FGD6: variants seen among roughly 807,000 people sequenced by gnomAD.
The protein encoded by FGD6 is FYVE, RhoGEF and PH domain containing 6, also known as FYVE, RhoGEF and PH domain-containing protein 6.
Under a neutral mutation model 149.4 loss-of-function variants are expected in FGD6, and 90 were observed. The ratio of observed to expected loss-of-function variants is 0.60; its 90% CI spans 0.51 to 0.72. The LOEUF is 0.72. FGD6 is among the 30% of genes least tolerant of loss of function. The probability of loss-of-function intolerance (pLI) is 0.00; values close to 1 mark genes in which losing one functional copy is unlikely to be tolerated. For synonymous variants in FGD6, 527 were observed against 584.0 expected (o/e 0.90, Z 1.41); for missense variants, 1,437 against 1,684.8 (o/e 0.85, Z 2.57).
chr12:95,168,531 C>T (rs1465077500), intron 3 of FGD6, among the ~76,000 whole-genome samples: 3 of 151,986 alleles, frequency 2.0e-5, no homozygotes, highest in African/African-American at 4.8e-5. Flanking sequence ...GGTGTAGTGG[C>T]GCATGCCTGT....
rs1314646533 is a variant in FGD6, at chr12:95,080,528, T to A, written c.*992A>T. 2 of 152,018 alleles carry A rather than the reference T, an allele frequency of 1.3e-5. No individual in the cohort carries two copies. The highest frequency in any genetic ancestry group is 2.9e-5 in the Non-Finnish European group (2 of 68,012). The allele number at this position is 152,018 out of a possible 1,614,324, so 9.4% of individuals were successfully genotyped here. A position where few individuals can be genotyped will look rare whatever the true frequency, so the allele number is the denominator to read the frequency against. On this transcript the variant is annotated 3_prime_UTR_variant, in exon 21 of 21. Coordinates refer to ENST00000343958, the MANE Select transcript of FGD6 (RefSeq NM_018351.4). ...CTGGCAGAAAAAGACCTTTTGAAAA[T>A]GAATACTATAGAATTTCAGTTATTA...
At chr12:95,203,766 C>T (rs2056675492) in intron 2 of FGD6, among the ~76,000 whole-genome samples, 1 of 152,108 alleles carries the variant, frequency 6.6e-6, no homozygotes, top group Non-Finnish European at 1.5e-5. Flanking sequence ...ATAATAAGAA[C>T]AAATTGAAAC....
intron 3 of FGD6, among the ~76,000 whole-genome samples, chr12:95,156,018 C>T (rs1180097524): frequency 6.7e-6 from 1 of 148,664 alleles, no homozygotes; most frequent in Non-Finnish European, 1.5e-5. Flanking sequence ...CCTGTCTTTA[C>T]TTTAATCTCT....
Position 95,137,578 on chromosome 12 carries a change from G to A in FGD6, c.2938C>T (p.Leu980=). The A allele has an allele frequency of 6.2e-7, 1 of 1,609,248 alleles. No individual in the cohort carries two copies. The highest frequency in any genetic ancestry group is 8.5e-7 in the Non-Finnish European group (1 of 1,178,298). Residue 980 remains leucine (L), a synonymous_variant, in exon 7 of 21, where the codon CTG becomes TTG. Coordinates refer to ENST00000343958, the MANE Select transcript of FGD6 (RefSeq NM_018351.4). ...IKEFDKNIAL[L]DEQCKKNPGF... ...GGATTTTTCTTGCACTGTTCATCCA[G>A]CAAGGCTATATTCTTATCAAATTCT...
At chr12:95,099,003 G>T (rs928095836) in intron 14 of FGD6, among the ~76,000 whole-genome samples, 79 of 151,812 alleles carry the variant, frequency 5.2e-4, no homozygotes, top group African/African-American at 1.7e-3. Context: ...CAGAGTAGCT[G>T]GGATTACAGG....
At chr12:95,150,994 G>A (rs1007784760) in intron 5 of FGD6, among the ~76,000 whole-genome samples, 2 of 151,980 alleles carry the variant, frequency 1.3e-5, no homozygotes, top group African/African-American at 4.8e-5. Context: ...TCAGGAGGCT[G>A]AGATGGGAGG....
intron 9 of FGD6, among the ~76,000 whole-genome samples, chr12:95,111,999 T>G (rs934130006): frequency 6.6e-6 from 1 of 151,852 alleles, no homozygotes; most frequent in African/African-American, 2.4e-5. Context: ...TTTGGGAGAC[T>G]GAGGCAGGTG....
At chr12:95,128,574 A>G (rs1218614057) in intron 8 of FGD6, among the ~76,000 whole-genome samples, 1 of 152,176 alleles carries the variant, frequency 6.6e-6, no homozygotes, top group Non-Finnish European at 1.5e-5. Flanking sequence ...GGAGAAGATA[A>G]GGCACAGATC....
chr12:95,203,439 T>TA (rs1048778132), intron 2 of FGD6, among the ~76,000 whole-genome samples: 2 of 152,078 alleles, frequency 1.3e-5, no homozygotes, highest in African/African-American at 4.8e-5. Flanking sequence ...TCACCAACAT[T>TA]AAAAAACAAC....
rs34057454 is a variant in FGD6 at position 95,097,634 on chromosome 12, C to CAAAAAA, written c.3498-2946_3498-2941dup. Among the ~76,000 whole-genome samples the CAAAAAA allele has an allele frequency of 6.1e-3, 264 of 43,378 alleles. 17 individuals carry two copies. Among genetic ancestry groups the CAAAAAA allele is most frequent in the African/African-American group, 0.025 (251 of 10,054 alleles). The allele number at this position is 43,378 out of a possible 152,430, so 28.5% of individuals were successfully genotyped here. A position where few individuals can be genotyped will look rare whatever the true frequency, so the allele number is the denominator to read the frequency against. ...CTGGGCAACAAGTGAGACTCTGTCT[C>CAAAAAA]AAAAAAAAAAAAAAAAAAAAAAAAA... On this transcript the variant is annotated intron_variant, in intron 14 of 20. Coordinates refer to ENST00000343958, the MANE Select transcript of FGD6 (RefSeq NM_018351.4).
chr12:95,144,713 G>A (rs1174349395), intron 5 of FGD6, among the ~76,000 whole-genome samples: 1 of 151,108 alleles, frequency 6.6e-6, no homozygotes, highest in Non-Finnish European at 1.5e-5. Flanking sequence ...TTGAGAAAGA[G>A]TTTTGCTCTT....
intron 2 of FGD6, among the ~76,000 whole-genome samples, chr12:95,174,927 CAAAAAAAAAAAAA>C: frequency 1.2e-5 from 1 of 84,680 alleles, no homozygotes; most frequent in South Asian, 4.6e-4. Flanking sequence ...ACTCCATCTC[CAAAAAAAAAAAAA>C]AAAAAAAGAA....
intron 14 of FGD6, among the ~76,000 whole-genome samples, chr12:95,098,792 T>C (rs1222258259): frequency 1.3e-5 from 2 of 152,182 alleles, no homozygotes; most frequent in African/African-American, 4.8e-5. Flanking sequence ...ACCACAATAC[T>C]TAATTGTGTT....
chr12:95,132,774 CAAATAAAT>C (rs745794944), intron 8 of FGD6, among the ~76,000 whole-genome samples: 1 of 151,696 alleles, frequency 6.6e-6, no homozygotes, highest in African/African-American at 2.4e-5. Flanking sequence ...AATAAATAAA[CAAATAAAT>C]AAATAAATAA....
At chr12:95,086,261 ATTTG>A (rs973071063) in intron 18 of FGD6, among the ~76,000 whole-genome samples, 13 of 152,054 alleles carry the variant, frequency 8.5e-5, no homozygotes, top group African/African-American at 2.7e-4. Flanking sequence ...GGACTTGGGG[ATTTG>A]TTTTTTATTG....
rs142495726 is a variant in FGD6, at chr12:95,207,123, G to A, written c.2441+1720C>T. Reference sequence around the variant, plus strand: ...ACCCGGTGGGAGGTAATTTAATCACGGGGGCGGTTTTCCCCCAAGCTGCTG... The same window carrying A: ...ACCCGGTGGGAGGTAATTTAATCACAGGGGCGGTTTTCCCCCAAGCTGCTG... On this transcript the variant is annotated intron_variant, in intron 2 of 20. Coordinates refer to ENST00000343958, the MANE Select transcript of FGD6 (RefSeq NM_018351.4). Among the ~76,000 whole-genome samples the A allele has an allele frequency of 3.3e-5, 5 of 151,720 alleles. No homozygotes were observed. The East Asian group carries it at 7.8e-4, about 24-fold the overall frequency.
intron 14 of FGD6, among the ~76,000 whole-genome samples, chr12:95,103,186 T>C (rs187083530): frequency 1.6e-4 from 25 of 152,300 alleles, no homozygotes; most frequent in Non-Finnish European, 2.5e-4. Context: ...TGAAACGAAG[T>C]ACTACACATA....
rs751475528 is a variant in FGD6, at chr12:95,209,651, A to G, written c.1633T>C (p.Cys545Arg). 56 of 1,613,150 alleles carry G rather than the reference A, an allele frequency of 3.5e-5. No homozygotes were observed. The highest frequency in any genetic ancestry group is 4.7e-5 in the Non-Finnish European group (55 of 1,179,868). Residue 545 changes from cysteine to arginine, a missense_variant, in exon 2 of 21, where the codon TGT (cysteine) becomes CGT (arginine). Cys to Arg is a radical substitution (Grantham distance 180). Transcript: ENST00000343958. ...GATGACACACCACGGTTTTGGGCACACAAATGCTGAAGGTGATTTCTTTCT... is the reference window on the plus strand; with the variant it reads ...GATGACACACCACGGTTTTGGGCACGCAAATGCTGAAGGTGATTTCTTTCT... ...SLERNHLQHL[C>R]AQNRGVSSSF...
intron 9 of FGD6, among the ~76,000 whole-genome samples, chr12:95,111,049 C>A (rs7313837): frequency 0.013 from 2,034 of 152,202 alleles, 40 homozygotes; most frequent in African/African-American, 0.047. Context: ...GTCGCGGGAT[C>A]TCGGCTTACT....
Sources: gnomAD v4.1 joint callset for allele counts (sites outside exome capture counted in the v4.1 genomes callset) on GRCh38, gnomAD v4.1.1 for gene constraint, MANE v1.5 for transcripts, NCBI Gene and HGNC (gene_info 2026-07-23, HGNC 2026-07-21) for gene names.